SCAPER: variants seen among roughly 807,000 people sequenced by gnomAD.
The protein encoded by SCAPER is S-phase cyclin A associated protein in the ER, also known as S phase cyclin A-associated protein in the endoplasmic reticulum.
Under a neutral mutation model 182.2 loss-of-function variants are expected in SCAPER, and 98 were observed. The observed-to-expected ratio is 0.54, with a 90% CI of 0.46 to 0.64. The LOEUF (loss-of-function observed/expected upper bound fraction) is 0.64. Among genes scored for constraint, SCAPER ranks in the 30% least tolerant of loss-of-function variants. The pLI is 0.00. For missense variants in SCAPER, 1,432 were observed against 1,690.0 expected (o/e 0.85, Z 2.68); for synonymous variants, 605 against 564.6 (o/e 1.07, Z -1.01).
At chr15:76,489,926 C>G (rs1366827102) in intron 24 of SCAPER, among the ~76,000 whole-genome samples, 1 of 152,102 alleles carries the variant, frequency 6.6e-6, no homozygotes, top group African/African-American at 2.4e-5. Flanking sequence ...TTTTTTCACT[C>G]AACATAATGT....
chr15:76,402,347 C>G (rs900995458), intron 27 of SCAPER, among the ~76,000 whole-genome samples: 1 of 152,166 alleles, frequency 6.6e-6, no homozygotes, highest in Non-Finnish European at 1.5e-5. Flanking sequence ...GCTCCTTGTC[C>G]AGAGAACGTC....
intron 4 of SCAPER, among the ~76,000 whole-genome samples, chr15:76,856,476 A>G (rs1019050554): frequency 6.6e-6 from 1 of 151,030 alleles, no homozygotes; most frequent in Admixed American, 6.6e-5. Flanking sequence ...ATATGTGCAT[A>G]TAAGTATATA....
At chr15:76,650,506 G>A (rs1368898282) in intron 21 of SCAPER, among the ~76,000 whole-genome samples, 1 of 151,822 alleles carries the variant, frequency 6.6e-6, no homozygotes, top group Non-Finnish European at 1.5e-5. Context: ...TAATAACAAA[G>A]TTTCAAAATT....
intron 23 of SCAPER, among the ~76,000 whole-genome samples, chr15:76,566,691 A>T (rs183942263): frequency 6.6e-6 from 1 of 152,260 alleles, no homozygotes; most frequent in African/African-American, 2.4e-5. Flanking sequence ...CACATGTAAG[A>T]GTATTTTTTA....
intron 5 of SCAPER, among the ~76,000 whole-genome samples, chr15:76,824,054 T>C (rs1205923698): frequency 1.3e-5 from 2 of 152,072 alleles, no homozygotes; most frequent in African/African-American, 4.8e-5. Flanking sequence ...ATGATCAGAG[T>C]GGTACCACGC....
In SCAPER at chr15:76,804,516, A is replaced by AC; in HGVS notation, c.494+16dup. 6.5e-7 allele frequency: 1 copy of AC among 1,541,774 alleles called. No individual in the cohort carries two copies. The highest frequency in any genetic ancestry group is 1.4e-5 in the African/African-American group (1 of 73,312). Reference sequence around the variant, plus strand: ...ACTGCTGGATGATAGGAAGATTGAGACCAGAGAGCTCATTACCTGCTTTGA... The same window carrying AC: ...ACTGCTGGATGATAGGAAGATTGAGACCCAGAGAGCTCATTACCTGCTTTGA... On this transcript the variant is annotated intron_variant, in intron 6 of 31. Transcript: ENST00000563290.
rs139660593 is a variant in SCAPER at position 76,693,671 on chromosome 15, T to TA, written c.2508+8086dup. Among the ~76,000 whole-genome samples the TA allele has an allele frequency of 1.0e-3, 154 of 152,120 alleles. 2 individuals are homozygous for TA. Among genetic ancestry groups the TA allele is most frequent in the African/African-American group, 3.6e-3 (151 of 41,542 alleles). On this transcript the variant is annotated intron_variant, in intron 20 of 31. Transcript: ENST00000563290. The stretch of plus-strand genomic sequence containing the variant: ...TATAATGGAATATTATTCAGCCCTT[T>TA]AAAAAAAGAAATTCTGATATATACA...
intron 24 of SCAPER, chr15:76,472,194 C>A (rs547383214): frequency 6.0e-6 from 3 of 503,666 alleles, no homozygotes; most frequent in African/African-American, 3.9e-5. Context: ...TTAACCTGCT[C>A]CTCCAAAGCC....
rs60675828 is a variant in SCAPER, at chr15:76,431,676, C to CAAAAAA, written c.3311+2396_3311+2401dup. Among the ~76,000 whole-genome samples the CAAAAAA allele has an allele frequency of 6.2e-4, 29 of 47,124 alleles. 3 individuals are homozygous for CAAAAAA. Among genetic ancestry groups the CAAAAAA allele is most frequent in the African/African-American group, 1.4e-3 (14 of 10,250 alleles). 30.9% of individuals were successfully genotyped at this position (47,124 alleles called of 152,430 possible). ...AGAAGGCAAGTATGAAAATGATTAGCAAAAAAAAAAAAAAAAAAAAAAAAA... is the reference window on the plus strand; with the variant it reads ...AGAAGGCAAGTATGAAAATGATTAGCAAAAAAAAAAAAAAAAAAAAAAAAAAAAAAA... On this transcript the variant is annotated intron_variant, in intron 26 of 31. Coordinates refer to ENST00000563290, the MANE Select transcript of SCAPER (RefSeq NM_020843.4).
chr15:76,471,802 C>A (rs189853508), intron 24 of SCAPER, among the ~76,000 whole-genome samples: 1 of 152,102 alleles, frequency 6.6e-6, no homozygotes, highest in Admixed American at 6.6e-5. Context: ...GATAAGACCC[C>A]GGAGTTCTAG....
intron 23 of SCAPER, among the ~76,000 whole-genome samples, chr15:76,565,925 G>T (rs2047003260): frequency 6.6e-6 from 1 of 152,124 alleles, no homozygotes; most frequent in Non-Finnish European, 1.5e-5. Flanking sequence ...CAGTTGCAAT[G>T]AGGAAACAAC....
At chr15:76,650,328 G>C (rs1597924308) in intron 21 of SCAPER, among the ~76,000 whole-genome samples, 2 of 151,752 alleles carry the variant, frequency 1.3e-5, no homozygotes, top group East Asian at 1.9e-4. Context: ...AAAGGAAAAA[G>C]ATACTATGCA....
intron 21 of SCAPER, among the ~76,000 whole-genome samples, chr15:76,628,300 CTTT>C (rs2052775774): frequency 6.6e-6 from 1 of 152,152 alleles, no homozygotes; most frequent in African/African-American, 2.4e-5. Context: ...CATTTGTCAA[CTTT>C]TTCTTCTGTT....
chr15:76,678,443 T>C (rs1219816509), intron 20 of SCAPER, among the ~76,000 whole-genome samples: 1 of 152,114 alleles, frequency 6.6e-6, no homozygotes, highest in Non-Finnish European at 1.5e-5. Flanking sequence ...AAAAATATTA[T>C]TAAGTATACC....
intron 24 of SCAPER, among the ~76,000 whole-genome samples, chr15:76,486,610 C>G (rs1183823814): frequency 6.6e-6 from 1 of 151,980 alleles, no homozygotes; most frequent in East Asian, 1.9e-4. Flanking sequence ...AAGAAAGCTC[C>G]TCATCACTGA....
At chr15:76,441,063 A>G (rs1458628817) in intron 25 of SCAPER, among the ~76,000 whole-genome samples, 1 of 151,600 alleles carries the variant, frequency 6.6e-6, no homozygotes, top group African/African-American at 2.4e-5. Flanking sequence ...CTGGGACTAC[A>G]GGCACCCGCC....
intron 10 of SCAPER, among the ~76,000 whole-genome samples, chr15:76,767,668 C>T (rs2063197260): frequency 1.3e-5 from 2 of 151,672 alleles, no homozygotes; most frequent in East Asian, 3.9e-4. Flanking sequence ...GGTTAATAAG[C>T]CATCAAAGGT....
chr15:76,348,577 T>G lies in SCAPER; in HGVS notation c.*56A>C, dbSNP rs2040320472. 1 of 1,208,426 alleles carries G rather than the reference T, an allele frequency of 8.3e-7. No homozygotes were observed. Among genetic ancestry groups the G allele is most frequent in the South Asian group, 1.4e-5 (1 of 69,654 alleles). 74.9% of individuals were successfully genotyped at this position (1,208,426 alleles called of 1,614,324 possible). A position where few individuals can be genotyped will look rare whatever the true frequency, so the allele number is the denominator to read the frequency against. On this transcript the variant is annotated 3_prime_UTR_variant, in exon 32 of 32. Coordinates refer to ENST00000563290, the MANE Select transcript of SCAPER (RefSeq NM_020843.4). ...TCTTAAGGAACAATTAGAATGTTTGTTTGGACAATTTAAAATATTAACAAG... is the reference window on the plus strand; with the variant it reads ...TCTTAAGGAACAATTAGAATGTTTGGTTGGACAATTTAAAATATTAACAAG...
At chr15:76,529,087 A>T (rs1394710240) in intron 23 of SCAPER, among the ~76,000 whole-genome samples, 1 of 152,202 alleles carries the variant, frequency 6.6e-6, no homozygotes, top group East Asian at 1.9e-4. Flanking sequence ...TCTGCTGCCC[A>T]TGGGGGAGTG....
Sources: gnomAD v4.1 joint callset for allele counts (sites outside exome capture counted in the v4.1 genomes callset) on GRCh38, gnomAD v4.1.1 for gene constraint, MANE v1.5 for transcripts, NCBI Gene and HGNC (gene_info 2026-07-23, HGNC 2026-07-21) for gene names.